TBC1D22A: variants seen among roughly 807,000 people sequenced by gnomAD.
The protein encoded by TBC1D22A is TBC1 domain family member 22A, also known as putative GTPase activator.
Under a neutral mutation model 60.2 loss-of-function variants are expected in TBC1D22A, and 38 were observed. That is an observed-to-expected ratio of 0.63 (90% CI 0.49 to 0.83). The LOEUF (loss-of-function observed/expected upper bound fraction) is 0.83, where lower values mean the gene tolerates loss of function less well. Ranked by LOEUF, TBC1D22A falls within the 40% of genes least tolerant of loss-of-function variation. TBC1D22A has a pLI of 0.00. For missense variants in TBC1D22A, 628 were observed against 701.0 expected (o/e 0.90, Z 1.18); for synonymous variants, 302 against 281.7 (o/e 1.07, Z -0.72).
chr22:46,921,966 G>C (rs1006828923), intron 8 of TBC1D22A, among the ~76,000 whole-genome samples: 3 of 152,128 alleles, frequency 2.0e-5, no homozygotes, highest in African/African-American at 7.2e-5. Context: ...ATCTTTGCCA[G>C]GGTCTGTGTC....
intron 4 of TBC1D22A, among the ~76,000 whole-genome samples, chr22:46,814,245 G>GT (rs2085499065): frequency 6.6e-6 from 1 of 152,166 alleles, no homozygotes; most frequent in African/African-American, 2.4e-5. Context: ...CAGGTGTGGG[G>GT]TGTGGAGTCC....
chr22:46,793,844 A>T lies in TBC1D22A; in HGVS notation c.460+3A>T. ...GAGCCACACGTCCTGTCCTGCAGGT[A>T]CGATGGGAGGACTGAAGAGATGGTC... On this transcript the variant is annotated splice_donor_region_variant and intron_variant, in intron 3 of 12. Transcript: ENST00000337137. The T allele has an allele frequency of 3.2e-6, 5 of 1,556,864 alleles. No individual in the cohort carries two copies. The highest frequency in any genetic ancestry group is 4.3e-6 in the Non-Finnish European group (5 of 1,154,066).
intron 1 of TBC1D22A, chr22:46,774,133 C>G (rs1309503008): frequency 2.0e-6 from 2 of 985,718 alleles, no homozygotes; most frequent in Non-Finnish European, 1.2e-6. Context: ...CTGGGCCTGC[C>G]TGCCCTTGGA....
Position 47,174,715 on chromosome 22 carries a change from T to TCTGCCGTGGACTGGTTC in TBC1D22A, c.*1091_*1107dup, listed in dbSNP as rs2068620383. The TCTGCCGTGGACTGGTTC allele has an allele frequency of 6.8e-6, 1 of 146,946 alleles. No homozygotes were observed. Among genetic ancestry groups the TCTGCCGTGGACTGGTTC allele is most frequent in the African/African-American group, 2.4e-5 (1 of 40,992 alleles). The allele number at this position is 146,946 out of a possible 1,614,324, so 9.1% of individuals were successfully genotyped here. ...TGGACCACTCCTGCCCTGGACCGGT[T>TCTGCCGTGGACTGGTTC]CTGCCGTGGACTGGTTCCCGCCGTG... is the stretch of plus-strand genomic sequence containing the variant. On this transcript the variant is annotated 3_prime_UTR_variant, in exon 13 of 13. Transcript: ENST00000337137.
chr22:47,171,331 A>G (rs926713237), intron 12 of TBC1D22A, among the ~76,000 whole-genome samples: 10 of 152,168 alleles, frequency 6.6e-5, no homozygotes, highest in African/African-American at 2.2e-4. Flanking sequence ...GGGGAAGGGC[A>G]GTTCCAGCAC....
intron 11 of TBC1D22A, among the ~76,000 whole-genome samples, chr22:47,100,915 A>G (rs2065391187): frequency 6.6e-6 from 1 of 152,170 alleles, no homozygotes; most frequent in Non-Finnish European, 1.5e-5. Flanking sequence ...GTCTCTGGTT[A>G]GGCAGTTAGA....
chr22:46,925,888 C>T (rs1195102077), intron 8 of TBC1D22A, among the ~76,000 whole-genome samples: 1 of 152,058 alleles, frequency 6.6e-6, no homozygotes, highest in Non-Finnish European at 1.5e-5. Context: ...GCTTGTGGAG[C>T]ATTCTCTACA....
chr22:46,995,146 C>A (rs1387413436), intron 9 of TBC1D22A, among the ~76,000 whole-genome samples: 1 of 152,184 alleles, frequency 6.6e-6, no homozygotes, highest in Non-Finnish European at 1.5e-5. Context: ...CCCACGACAT[C>A]TAGGAAACAT....
intron 7 of TBC1D22A, among the ~76,000 whole-genome samples, chr22:46,897,635 GTTTTGTTTTTTTTTGTGTTTT>G (rs2068747972): frequency 8.0e-6 from 1 of 125,548 alleles, no homozygotes; most frequent in African/African-American, 3.5e-5. Flanking sequence ...GTTTTGTTTC[GTTTTGTTTTTTTTTGTGTTTT>G]TTTTTTTTTT....
intron 1 of TBC1D22A, among the ~76,000 whole-genome samples, chr22:46,792,048 A>C (rs1160473155): frequency 6.6e-6 from 1 of 152,226 alleles, no homozygotes; most frequent in Non-Finnish European, 1.5e-5. Context: ...GGCGTGAGCT[A>C]CCGTGCCAAG....
rs2083758059 is a variant in TBC1D22A, at chr22:46,777,588, G to A, written c.62+14740G>A. Among the ~76,000 whole-genome samples the A allele has an allele frequency of 6.6e-6, 1 of 152,188 alleles. No homozygotes were observed. The highest frequency in any genetic ancestry group is 1.5e-5 in the Non-Finnish European group (1 of 68,038). On this transcript the variant is annotated intron_variant, in intron 1 of 12. Coordinates refer to ENST00000337137, the MANE Select transcript of TBC1D22A (RefSeq NM_014346.5). This position sits in a 1 kb window ranked among gnomAD's most constrained non-coding sequence, Gnocchi z 4.5. Reference sequence around the variant, plus strand: ...AGGACTGAGGACTCGGCTTTGGGGAGCAGAGTTGGGAACACACAGAAGAGT... The same window carrying A: ...AGGACTGAGGACTCGGCTTTGGGGAACAGAGTTGGGAACACACAGAAGAGT...
At chr22:46,897,956 A>AT (rs1423811418) in intron 7 of TBC1D22A, among the ~76,000 whole-genome samples, 1 of 152,158 alleles carries the variant, frequency 6.6e-6, no homozygotes, top group Non-Finnish European at 1.5e-5. Context: ...AGATTGTAGA[A>AT]TACAAAAAGA....
At chr22:46,920,823 T>C (rs1016827491) in intron 8 of TBC1D22A, among the ~76,000 whole-genome samples, 4 of 151,666 alleles carry the variant, frequency 2.6e-5, no homozygotes, top group African/African-American at 4.8e-5. Flanking sequence ...CAGGCTGGAG[T>C]GCAGTCGTGC....
chr22:46,996,083 C>G (rs1295921256), intron 9 of TBC1D22A, among the ~76,000 whole-genome samples: 1 of 152,246 alleles, frequency 6.6e-6, no homozygotes, highest in Non-Finnish European at 1.5e-5. Context: ...CCTGCCCCCT[C>G]AGGCGCACAG....
chr22:46,833,139 T>G (rs923607966), intron 4 of TBC1D22A, among the ~76,000 whole-genome samples: 1 of 152,220 alleles, frequency 6.6e-6, no homozygotes, highest in African/African-American at 2.4e-5. Context: ...GGAAGATACA[T>G]ATGAGTTAAT....
At chr22:47,072,605 C>A (rs550883561) in intron 11 of TBC1D22A, among the ~76,000 whole-genome samples, 2 of 152,352 alleles carry the variant, frequency 1.3e-5, no homozygotes, top group East Asian at 3.9e-4. Flanking sequence ...TGCAGGCACC[C>A]AGGAAGGTGC....
chr22:46,962,561 T>C (rs1332560622), intron 8 of TBC1D22A, among the ~76,000 whole-genome samples: 2 of 152,258 alleles, frequency 1.3e-5, no homozygotes, highest in Non-Finnish European at 2.9e-5. Context: ...AGAGGCTTAC[T>C]GGGGCATTCT....
intron 10 of TBC1D22A, among the ~76,000 whole-genome samples, chr22:47,013,529 A>T (rs1173439330): frequency 2.0e-5 from 3 of 152,214 alleles, no homozygotes; most frequent in Admixed American, 1.3e-4. Flanking sequence ...GATCATGGTT[A>T]CAAGTAGCTA....
At chr22:46,821,458 C>T (rs953840382) in intron 4 of TBC1D22A, among the ~76,000 whole-genome samples, 3 of 152,076 alleles carry the variant, frequency 2.0e-5, no homozygotes, top group African/African-American at 7.2e-5. Flanking sequence ...TAACAAAATC[C>T]CTCAGCATTT....
Sources: allele counts gnomAD v4.1 joint callset (sites outside exome capture counted in the v4.1 genomes callset), GRCh38; gene constraint gnomAD v4.1.1; non-coding constraint Gnocchi (gnomAD v3.1); transcripts MANE v1.5; gene names NCBI Gene and HGNC (gene_info 2026-07-23, HGNC 2026-07-21).